Variants in DSCAML1 observed in about 807,000 individuals in gnomAD.
DSCAML1 encodes DS cell adhesion molecule like 1.
DSCAML1 carries 38 observed loss-of-function variants against 200.5 expected under a neutral mutation model. The observed-to-expected ratio is 0.19, with a 90% CI of 0.15 to 0.25. DSCAML1 has a LOEUF of 0.25. Among genes scored for constraint, DSCAML1 ranks in the 10% least tolerant of loss-of-function variants. DSCAML1 has a pLI of 1.00. For missense variants in DSCAML1, 2,223 were observed against 2,858.8 expected (o/e 0.78, Z 5.07); for synonymous variants, 1,215 against 1,165.0 (o/e 1.04, Z -0.87).
intron 3 of DSCAML1, among the ~76,000 whole-genome samples, chr11:117,770,957 G>T (rs1051374255): frequency 2.6e-5 from 4 of 152,188 alleles, no homozygotes; most frequent in Non-Finnish European, 1.5e-5. Flanking sequence ...CCCTGAGAGT[G>T]AGCAGGAGAG....
intron 3 of DSCAML1, among the ~76,000 whole-genome samples, chr11:117,545,458 A>G (rs2050355893): frequency 6.6e-6 from 1 of 152,202 alleles, no homozygotes; most frequent in African/African-American, 2.4e-5. Context: ...TATGGCAGCC[A>G]GAGAAAATGA....
In DSCAML1 at chr11:117,795,177, G is replaced by A. The variant is rs560262505; in HGVS notation, c.46+1857C>T. Among the ~76,000 whole-genome samples the A allele has an allele frequency of 3.3e-5, 5 of 152,318 alleles. No individual in the cohort carries two copies. In the East Asian group the frequency reaches 7.7e-4, roughly 24 times the overall value. On this transcript the variant is annotated intron_variant, in intron 1 of 32. Coordinates refer to ENST00000651296, the MANE Select transcript of DSCAML1 (RefSeq NM_020693.4). ...TGCTGAGGGGCCTCCTGCACTCCCC[G>A]GGAATGGGCTGTCCTGGAAGATGTC... is the stretch of plus-strand genomic sequence containing the variant.
At chr11:117,754,074 G>A (rs1048952180) in intron 3 of DSCAML1, among the ~76,000 whole-genome samples, 2 of 152,190 alleles carry the variant, frequency 1.3e-5, no homozygotes, top group Non-Finnish European at 2.9e-5. Flanking sequence ...TTCCCTTTAA[G>A]AGGAGCAGAG....
chr11:117,650,698 T>TGTGTGTGC (rs1427168133), intron 3 of DSCAML1, among the ~76,000 whole-genome samples: 10 of 106,342 alleles, frequency 9.4e-5, no homozygotes, highest in Non-Finnish European at 1.3e-4. Context: ...TGTGTGTGTG[T>TGTGTGTGC]GTGCGTGTGT....
chr11:117,687,081 T>C (rs569187476), intron 3 of DSCAML1, among the ~76,000 whole-genome samples: 2 of 152,054 alleles, frequency 1.3e-5, no homozygotes, highest in East Asian at 3.9e-4. Context: ...ACATGCAGAA[T>C]GTGGATGGGG....
chr11:117,484,579 A>C (rs2048999236), intron 11 of DSCAML1, among the ~76,000 whole-genome samples: 1 of 152,230 alleles, frequency 6.6e-6, no homozygotes, highest in Non-Finnish European at 1.5e-5. Context: ...GAGACATCCG[A>C]GTATGAATTA....
intron 1 of DSCAML1, among the ~76,000 whole-genome samples, chr11:117,805,531 G>A (rs2055701392): frequency 6.6e-6 from 1 of 152,180 alleles, no homozygotes; most frequent in African/African-American, 2.4e-5. Flanking sequence ...ATAGGTTTTT[G>A]TGGGAGTTGT....
chr11:117,532,236 G>C, intron 4 of DSCAML1, 140 bp downstream of exon 4: 1 of 769,896 alleles, frequency 1.3e-6, no homozygotes, highest in Non-Finnish European at 1.9e-6. Flanking sequence ...TTCAGTACCT[G>C]ATTTCTTTAA....
At chr11:117,608,623 A>G (rs1297440032) in intron 3 of DSCAML1, among the ~76,000 whole-genome samples, 1 of 152,194 alleles carries the variant, frequency 6.6e-6, no homozygotes, top group Non-Finnish European at 1.5e-5. Flanking sequence ...GATGTACTGA[A>G]ATGTATTTAA....
chr11:117,657,245 G>A (rs1408303073), intron 3 of DSCAML1, among the ~76,000 whole-genome samples: 1 of 152,130 alleles, frequency 6.6e-6, no homozygotes, highest in South Asian at 2.1e-4. Flanking sequence ...AGGACTTGAG[G>A]CCAAAACCAT....
chr11:117,784,249 C>T (rs1425756336), intron 1 of DSCAML1, among the ~76,000 whole-genome samples: 1 of 152,194 alleles, frequency 6.6e-6, no homozygotes, highest in African/African-American at 2.4e-5. Context: ...CATGAAACAT[C>T]ACCCTCAGGT....
intron 3 of DSCAML1, among the ~76,000 whole-genome samples, chr11:117,738,297 T>C (rs1008811952): frequency 2.0e-4 from 30 of 152,260 alleles, no homozygotes; most frequent in Non-Finnish European, 3.1e-4. Context: ...CACCCAGTTT[T>C]CCACACAAAA....
intron 20 of DSCAML1, among the ~76,000 whole-genome samples, chr11:117,447,551 T>C (rs1456256927): frequency 1.3e-5 from 2 of 152,208 alleles, no homozygotes; most frequent in African/African-American, 4.8e-5. Context: ...CTTTTATATG[T>C]TTTACAGATT....
chr11:117,603,329 C>T (rs551136736), intron 3 of DSCAML1, among the ~76,000 whole-genome samples: 3 of 152,198 alleles, frequency 2.0e-5, no homozygotes, highest in Non-Finnish European at 4.4e-5. Flanking sequence ...CAAATGGCAG[C>T]GGGCATGACT....
At chr11:117,460,135 A>C (rs547546897) in intron 18 of DSCAML1, among the ~76,000 whole-genome samples, 150 of 152,358 alleles carry the variant, frequency 9.8e-4, no homozygotes, top group African/African-American at 3.5e-3. Context: ...AGGCTTCGAA[A>C]AGAGGAAGCG....
chr11:117,658,497 C>CAG (rs1418294818), intron 3 of DSCAML1, among the ~76,000 whole-genome samples: 2 of 152,106 alleles, frequency 1.3e-5, no homozygotes, highest in Non-Finnish European at 2.9e-5. Flanking sequence ...CCAGTGTCTT[C>CAG]AGAGAGAGAG....
At chr11:117,577,486 C>A (rs867991824) in intron 3 of DSCAML1, among the ~76,000 whole-genome samples, 1 of 29,870 alleles carries the variant, frequency 3.3e-5, no homozygotes, top group Non-Finnish European at 8.4e-5. Context: ...TCCTTCCTTC[C>A]TTCCTTCCTT....
chr11:117,530,423 C>T lies in DSCAML1; in HGVS notation c.658+1953G>A, dbSNP rs147499914. On this transcript the variant is annotated intron_variant, in intron 4 of 32. Coordinates refer to ENST00000651296, the MANE Select transcript of DSCAML1 (RefSeq NM_020693.4). ...GCAAAACACCATACACACAAGTCCC[C>T]GTCATTTTGAGGCGAGCCCTTTGGA... Among the ~76,000 whole-genome samples, 166 of 152,220 alleles carry T rather than the reference C, an allele frequency of 1.1e-3. 1 individual carries two copies. Among genetic ancestry groups the T allele is most frequent in the Middle Eastern group, 3.4e-3 (1 of 294 alleles).
At chr11:117,603,096 A>G (rs1193793515) in intron 3 of DSCAML1, among the ~76,000 whole-genome samples, 1 of 152,210 alleles carries the variant, frequency 6.6e-6, no homozygotes, top group Non-Finnish European at 1.5e-5. Flanking sequence ...CCCTGTCCCA[A>G]CAAAACAAAC....
Sources: gnomAD v4.1 joint callset for allele counts (sites outside exome capture counted in the v4.1 genomes callset) on GRCh38, gnomAD v4.1.1 for gene constraint, MANE v1.5 for transcripts, NCBI Gene and HGNC (gene_info 2026-07-23, HGNC 2026-07-21) for gene names.